NLRC5: variants seen among roughly 807,000 people sequenced by gnomAD.
The protein encoded by NLRC5 is NLR family CARD domain containing 5.
In NLRC5, 114 loss-of-function variants were observed where a neutral mutation model predicts 206.9. The observed-to-expected ratio is 0.55, with a 90% CI of 0.47 to 0.64. The LOEUF is 0.64. Among genes scored for constraint, NLRC5 ranks in the 30% least tolerant of loss-of-function variants. The pLI is 0.00. For missense variants in NLRC5, 2,008 were observed against 2,305.5 expected (o/e 0.87, Z 2.64); for synonymous variants, 952 against 962.8 (o/e 0.99, Z 0.21).
At position 57,074,683 on chromosome 16, in the gene NLRC5, G is replaced by A; in HGVS notation, c.4751G>A (p.Arg1584Lys). The change falls in exon 39 of 49, where the codon AGA (arginine) becomes AAA (lysine). Residue 1584 changes from arginine (R) to lysine (K), a missense_variant and splice_region_variant. Physicochemically the swap from Arg to Lys is conservative, Grantham distance 26. Coordinates refer to ENST00000688547, the MANE Select transcript of NLRC5 (RefSeq NM_001384950.1). ...LSQMTCLQSLRLNRNSIGDVG... is the reference protein window; with the variant it reads ...LSQMTCLQSLKLNRNSIGDVG... ...CAGATGACCTGCCTGCAGAGCCTCA[G>A]GTGAGTGACCGAGCGGCCCCATGGG... 6.2e-7 allele frequency: 1 copy of A among 1,613,662 alleles called. No individual in the cohort carries two copies. Among genetic ancestry groups the A allele is most frequent in the Non-Finnish European group, 8.5e-7 (1 of 1,179,660 alleles).
At chr16:57,038,767 T>C (rs561223964) in intron 15 of NLRC5, among the ~76,000 whole-genome samples, 72 of 151,896 alleles carry the variant, frequency 4.7e-4, no homozygotes, top group African/African-American at 1.6e-3. Context: ...AAACCCCGTC[T>C]CTACTAAAAA....
At chr16:57,077,845 G>T (rs1474181578) in intron 42 of NLRC5, 43 bp downstream of exon 42, 1 of 1,589,674 alleles carries the variant, frequency 6.3e-7, no homozygotes, top group South Asian at 1.1e-5. Flanking sequence ...GTGCCCCCCA[G>T]GTCCACCTGG....
intron 24 of NLRC5, among the ~76,000 whole-genome samples, chr16:57,051,874 TCA>T (rs1225456881): frequency 6.6e-6 from 1 of 152,204 alleles, no homozygotes; most frequent in African/African-American, 2.4e-5. Flanking sequence ...CCTCTGCGTC[TCA>T]GTTTCCTCAT....
In NLRC5 at chr16:57,077,976, C is replaced by T; in HGVS notation, c.5037C>T (p.Ala1679=). The change falls in exon 43 of 49, where the codon GCC becomes GCT. Residue 1679 remains alanine (A), a synonymous_variant. Coordinates refer to ENST00000688547, the MANE Select transcript of NLRC5 (RefSeq NM_001384950.1). ...LGCNALGDPT[A]LGLAQELPQH... is the part of the protein sequence containing the mutation. The stretch of plus-strand genomic sequence containing the variant: ...GCAATGCCCTGGGGGATCCCACAGC[C>T]CTGGGGCTGGCTCAGGAGCTGCCCC... 6.2e-7 allele frequency: 1 copy of T among 1,612,202 alleles called. No homozygotes were observed. The highest frequency in any genetic ancestry group is 8.5e-7 in the Non-Finnish European group (1 of 1,178,910).
In NLRC5 at chr16:57,034,168, G is replaced by A; in HGVS notation, c.2544G>A (p.Arg848=). ...KGAQSRSLTL[R]LQKCQLQVHD... is the part of the protein sequence containing the mutation. ...CTTCTGTCCCCCACTCCTACCCAAG[G>A]CTGCAGAAGTGTCAGCTCCAGGTCC... Residue 848 remains arginine (R), a splice_region_variant and synonymous_variant, in exon 13 of 49, where the codon AGG becomes AGA. Transcript: ENST00000688547. The A allele has an allele frequency of 1.2e-6, 2 of 1,613,878 alleles. No homozygotes were observed. Among genetic ancestry groups the A allele is most frequent in the Non-Finnish European group, 1.7e-6 (2 of 1,179,868 alleles).
At chr16:57,071,516 T>C (rs1393348063) in intron 38 of NLRC5, among the ~76,000 whole-genome samples, 2 of 86,924 alleles carry the variant, frequency 2.3e-5, no homozygotes, top group East Asian at 7.4e-4. Context: ...TGGGGAAGGG[T>C]TGTGAGTGAG....
chr16:57,018,421 G>A (rs980551910), intron 2 of NLRC5, among the ~76,000 whole-genome samples: 4 of 152,188 alleles, frequency 2.6e-5, no homozygotes, highest in Admixed American at 6.5e-5. Flanking sequence ...TGGTCTTTCC[G>A]TCTGCTTAGT....
chr16:57,036,866 G>A (rs947014754), intron 14 of NLRC5, among the ~76,000 whole-genome samples: 9 of 152,246 alleles, frequency 5.9e-5, no homozygotes, highest in African/African-American at 1.9e-4. Flanking sequence ...AACCATATAT[G>A]TACAAAGCCT....
At chr16:57,011,073 A>C (rs1195214939) in intron 1 of NLRC5, among the ~76,000 whole-genome samples, 1 of 152,180 alleles carries the variant, frequency 6.6e-6, no homozygotes, top group Non-Finnish European at 1.5e-5. Flanking sequence ...CTATGTATGC[A>C]AATACACACA....
chr16:57,074,831 T>A (rs1467333084), intron 39 of NLRC5, 148 bp downstream of exon 39: 1 of 740,736 alleles, frequency 1.4e-6, no homozygotes, highest in African/African-American at 1.7e-5. Flanking sequence ...CCCAGGTGGG[T>A]GCCCACTGCT....
chr16:57,069,332 C>T (rs182127499), intron 36 of NLRC5, among the ~76,000 whole-genome samples: 43 of 152,250 alleles, frequency 2.8e-4, no homozygotes, highest in Non-Finnish European at 4.7e-4. Flanking sequence ...AACAGTGGCT[C>T]AAGCTTGTAA....
intron 1 of NLRC5, among the ~76,000 whole-genome samples, chr16:57,001,195 C>A (rs2058200995): frequency 6.6e-6 from 1 of 152,230 alleles, no homozygotes; most frequent in South Asian, 2.1e-4. Flanking sequence ...CCCAGGGTCC[C>A]CAGGCCCTGA....
intron 1 of NLRC5, among the ~76,000 whole-genome samples, chr16:56,998,810 C>A (rs1051240191): frequency 1.3e-5 from 2 of 152,160 alleles, no homozygotes; most frequent in African/African-American, 2.4e-5. Context: ...AAAATAAGTC[C>A]CTTTCCTGTA....
chr16:57,037,322 C>G (rs199939331), intron 15 of NLRC5, 38 bp downstream of exon 15: 15 of 1,544,384 alleles, frequency 9.7e-6, no homozygotes, highest in Admixed American at 1.7e-5. Flanking sequence ...CATCCCCCCC[C>G]CCATCATGCT....
chr16:57,045,914 C>A (rs770004290), intron 21 of NLRC5, among the ~76,000 whole-genome samples: 3 of 152,238 alleles, frequency 2.0e-5, no homozygotes, highest in Non-Finnish European at 4.4e-5. Flanking sequence ...ACATTTTCCC[C>A]GTCTTCGCAG....
chr16:57,055,275 G>C (rs1167813375), intron 26 of NLRC5, among the ~76,000 whole-genome samples, 158 bp from the exon 27 acceptor site: 2 of 152,248 alleles, frequency 1.3e-5, no homozygotes, highest in South Asian at 4.1e-4. Flanking sequence ...GATCTACTGT[G>C]GGGGTGGGAG....
Position 57,055,421 on chromosome 16 carries a change from A to T in NLRC5, c.3660-12A>T, listed in dbSNP as rs1193758832. 9 of 1,612,836 alleles carry T rather than the reference A, an allele frequency of 5.6e-6. No individual in the cohort carries two copies. Among genetic ancestry groups the T allele is most frequent in the African/African-American group, 1.3e-5 (1 of 74,756 alleles). On this transcript the variant is annotated splice_polypyrimidine_tract_variant and intron_variant, in intron 26 of 48. Coordinates refer to ENST00000688547, the MANE Select transcript of NLRC5 (RefSeq NM_001384950.1). ...GCCCCATCCCCTGCTTGTCCCCTTTACCTCCGTCCAGCAGGTTCACAGGCT... is the reference window on the plus strand; with the variant it reads ...GCCCCATCCCCTGCTTGTCCCCTTTTCCTCCGTCCAGCAGGTTCACAGGCT...
Position 57,055,036 on chromosome 16 carries a change from C to G in NLRC5, c.3601C>G (p.Leu1201Val), listed in dbSNP as rs1026783735. The change falls in exon 26 of 49, where the codon CTG becomes GTG. Residue 1201 changes from leucine to valine, a missense_variant. Transcript: ENST00000688547. Reference sequence around the variant, plus strand: ...CCCAGGTCCTGTCTGATCCAGGTCCCTGCACCATGCAACTTTGCACTTCAG... The same window carrying G: ...CCCAGGTCCTGTCTGATCCAGGTCCGTGCACCATGCAACTTTGCACTTCAG... The part of the protein sequence containing the change: ...PRVKKVDLRS[L>V]HHATLHFRSN... 2 of 1,614,236 alleles carry G rather than the reference C, an allele frequency of 1.2e-6. No individual in the cohort carries two copies. The highest frequency in any genetic ancestry group is 1.7e-6 in the Non-Finnish European group (2 of 1,180,044).
chr16:57,006,649 T>A (rs1187269718), intron 1 of NLRC5, among the ~76,000 whole-genome samples: 1 of 151,828 alleles, frequency 6.6e-6, no homozygotes, highest in East Asian at 1.9e-4. Flanking sequence ...GTTTTTCCAA[T>A]CTTTTGCTAT....
Sources: gnomAD v4.1 joint callset for allele counts (sites outside exome capture counted in the v4.1 genomes callset) on GRCh38, gnomAD v4.1.1 for gene constraint, MANE v1.5 for transcripts, NCBI Gene and HGNC (gene_info 2026-07-23, HGNC 2026-07-21) for gene names.